The following SEMA3D variants were observed in gnomAD, a reference collection of about 807,000 sequenced individuals.
The protein encoded by SEMA3D is semaphorin 3D, also known as semaphorin-3D.
Under a neutral mutation model 100.1 loss-of-function variants are expected in SEMA3D, and 84 were observed. The observed-to-expected ratio is 0.84, with a 90% CI of 0.70 to 1.01. The LOEUF (loss-of-function observed/expected upper bound fraction) is 1.01. Ranked by LOEUF, SEMA3D falls within the 50% of genes least tolerant of loss-of-function variation. SEMA3D has a pLI of 0.00. For synonymous variants in SEMA3D, 312 were observed against 320.7 expected (o/e 0.97, Z 0.29); for missense variants, 875 against 934.1 (o/e 0.94, Z 0.82).
intron 4 of SEMA3D, among the ~76,000 whole-genome samples, chr7:85,092,239 T>C (rs1788416340): frequency 6.6e-6 from 1 of 152,090 alleles, no homozygotes; most frequent in African/African-American, 2.4e-5. Context: ...TCTGTCTCAT[T>C]ATTTTGGACA....
intron 1 of SEMA3D, among the ~76,000 whole-genome samples, chr7:85,164,526 A>G (rs917171528): frequency 2.5e-4 from 38 of 152,218 alleles, no homozygotes; most frequent in Admixed American, 2.3e-3. Flanking sequence ...CGCAAGCTGC[A>G]TTTGATTTTC....
the SEMA3D span, among the ~76,000 whole-genome samples, chr7:85,236,275 A>G: frequency 7.2e-6 from 1 of 139,478 alleles, no homozygotes; most frequent in African/African-American, 3.0e-5. Context: ...ATTTTATTTT[A>G]TTTTATTTTA....
At chr7:85,081,712 A>AT in intron 4 of SEMA3D, 133 bp from the exon 5 acceptor site, 2 of 625,786 alleles carry the variant, frequency 3.2e-6, no homozygotes, top group South Asian at 4.4e-5. Flanking sequence ...AATGTGGGAA[A>AT]TTTGAGATTT....
At chr7:85,092,205 T>C (rs977474003) in intron 4 of SEMA3D, among the ~76,000 whole-genome samples, 1 of 152,056 alleles carries the variant, frequency 6.6e-6, no homozygotes, top group Non-Finnish European at 1.5e-5. Context: ...TGTTTTCCTC[T>C]CTCTGTATTT....
At chr7:85,031,288 G>A (rs536090021) in intron 12 of SEMA3D, among the ~76,000 whole-genome samples, 9 of 152,058 alleles carry the variant, frequency 5.9e-5, no homozygotes, top group Admixed American at 2.0e-4. Context: ...TACAGATGCA[G>A]AAAATGTAAA....
chr7:85,121,200 A>G (rs1039168289), intron 3 of SEMA3D, among the ~76,000 whole-genome samples: 1 of 152,236 alleles, frequency 6.6e-6, no homozygotes, highest in Non-Finnish European at 1.5e-5. Flanking sequence ...CATAATTCAT[A>G]TAAACTTTGC....
chr7:85,224,935 G>T, the SEMA3D span, among the ~76,000 whole-genome samples: 1 of 150,772 alleles, frequency 6.6e-6, no homozygotes, highest in African/African-American at 2.4e-5. Flanking sequence ...TTTGTATCAT[G>T]AAAACAATAC....
At chr7:85,063,725 T>C (rs546889011) in intron 8 of SEMA3D, among the ~76,000 whole-genome samples, 1 of 152,316 alleles carries the variant, frequency 6.6e-6, no homozygotes, top group Middle Eastern at 3.4e-3. Context: ...TTAAAAAACA[T>C]GCTATTGTTT....
intron 1 of SEMA3D, among the ~76,000 whole-genome samples, chr7:85,174,975 TA>T: frequency 6.6e-6 from 1 of 152,128 alleles, no homozygotes; most frequent in South Asian, 2.1e-4. Context: ...AAAGCACACA[TA>T]TACTTCAACA....
chr7:85,102,217 T>G (rs1278352935), intron 3 of SEMA3D, among the ~76,000 whole-genome samples: 1 of 151,894 alleles, frequency 6.6e-6, no homozygotes, highest in Non-Finnish European at 1.5e-5. Context: ...ACAGATAGAA[T>G]TTTGAGAGGA....
chr7:85,177,538 T>C (rs1409137338), intron 1 of SEMA3D, among the ~76,000 whole-genome samples: 7 of 152,164 alleles, frequency 4.6e-5, no homozygotes, highest in African/African-American at 1.4e-4. Context: ...TGTTGTGTCT[T>C]GTCAATATCA....
chr7:85,120,666 C>CA (rs765641197), intron 3 of SEMA3D, among the ~76,000 whole-genome samples: 3,741 of 82,196 alleles, frequency 0.046, 123 homozygotes, highest in South Asian at 0.13. Context: ...GACTTCATCT[C>CA]AAAAAAAAAA....
At chr7:85,183,880 G>A (rs537225619) in intron 1 of SEMA3D, among the ~76,000 whole-genome samples, 1 of 152,286 alleles carries the variant, frequency 6.6e-6, no homozygotes, top group South Asian at 2.1e-4. Context: ...AAATTTTTAG[G>A]TATTCAGGTC....
intron 14 of SEMA3D, 52 bp downstream of exon 14, chr7:85,020,181 G>A: frequency 8.3e-7 from 1 of 1,198,752 alleles, no homozygotes; most frequent in African/African-American, 1.5e-5. Context: ...CCTATAACAA[G>A]CGCTACTCAG....
chr7:85,141,531 A>G lies in SEMA3D; in HGVS notation c.-41+12077T>C, dbSNP rs113502787. 5.2e-3 allele frequency: 5,167 copies of G among 984,816 alleles called. 217 individuals are homozygous for G. In the African/African-American group the frequency reaches 0.085, roughly 16 times the overall value. 61.0% of individuals were successfully genotyped at this position (984,816 alleles called of 1,614,324 possible). The stretch of plus-strand genomic sequence containing the variant: ...GGATCACTGCCCTACATGAATGACC[A>G]CAAAGTCTTTCTAAGGATAGTCTTA... On this transcript the variant is annotated intron_variant, in intron 2 of 18. Transcript: ENST00000284136.
chr7:85,010,045 G>T (rs961665454), intron 17 of SEMA3D, among the ~76,000 whole-genome samples: 1 of 151,842 alleles, frequency 6.6e-6, no homozygotes, highest in Non-Finnish European at 1.5e-5. Context: ...ATCAGGAAAG[G>T]TGTCTCTGAA....
chr7:85,006,132 A>G (rs1789790150), intron 18 of SEMA3D, among the ~76,000 whole-genome samples: 2 of 152,008 alleles, frequency 1.3e-5, no homozygotes, highest in Admixed American at 1.3e-4. Flanking sequence ...CATATTTTAC[A>G]GTTGTAAGAG....
At chr7:85,031,176 A>G (rs144156584) in intron 12 of SEMA3D, among the ~76,000 whole-genome samples, 124 of 152,184 alleles carry the variant, frequency 8.1e-4, no homozygotes, top group Middle Eastern at 3.4e-3. Context: ...ACTTAAAGTA[A>G]GCTTGACACA....
At chr7:85,082,927 G>A (rs527744408) in intron 4 of SEMA3D, among the ~76,000 whole-genome samples, 3 of 152,142 alleles carry the variant, frequency 2.0e-5, no homozygotes, top group South Asian at 2.1e-4. Flanking sequence ...ACACAATGCC[G>A]ACTAGAAAAT....
Sources: gnomAD v4.1 joint callset for allele counts (sites outside exome capture counted in the v4.1 genomes callset) on GRCh38, gnomAD v4.1.1 for gene constraint, MANE v1.5 for transcripts, NCBI Gene and HGNC (gene_info 2026-07-23, HGNC 2026-07-21) for gene names.